DSCAM: variants seen among roughly 807,000 people sequenced by gnomAD.
The protein encoded by DSCAM is DS cell adhesion molecule.
In DSCAM, 47 loss-of-function variants were observed where a neutral mutation model predicts 217.7. The observed-to-expected ratio is 0.22, with a 90% CI of 0.17 to 0.28. DSCAM has a LOEUF of 0.28. DSCAM is among the 10% of genes least tolerant of loss of function. The pLI, the probability that DSCAM is intolerant of heterozygous loss-of-function variation, is 1.00. For synonymous variants in DSCAM, 1,056 were observed against 1,015.3 expected (o/e 1.04, Z -0.76); for missense variants, 2,080 against 2,618.3 (o/e 0.79, Z 4.49).
At chr21:40,460,381 T>C (rs535939595) in intron 3 of DSCAM, among the ~76,000 whole-genome samples, 5 of 152,290 alleles carry the variant, frequency 3.3e-5, no homozygotes, top group African/African-American at 1.2e-4. Context: ...TAAAATAATG[T>C]TATTATTAGA....
chr21:40,280,160 G>A (rs535817505), intron 10 of DSCAM, among the ~76,000 whole-genome samples: 3 of 146,310 alleles, frequency 2.1e-5, no homozygotes, highest in South Asian at 4.4e-4. Flanking sequence ...TCATATGAAA[G>A]TTCACAGCAG....
chr21:40,339,185 C>A lies in DSCAM; in HGVS notation c.1441G>T (p.Val481Phe). ...ISSSQVRDGG[V>F]YRCTANNSAG... Reference sequence around the variant, plus strand: ...GAGTTGTTGGCAGTGCAGCGGTAGACTCCCCCGTCCCGGACCTGGGAGCTG... The same window carrying A: ...GAGTTGTTGGCAGTGCAGCGGTAGAATCCCCCGTCCCGGACCTGGGAGCTG... The change falls in exon 7 of 33, where the codon GTC becomes TTC. Residue 481 changes from valine to phenylalanine, a missense_variant. Physicochemically the swap from Val to Phe is conservative, Grantham distance 50. Around this residue, in one of 5 missense-constraint regions of DSCAM, gnomAD observed 568 missense variants for 678.1 expected, o/e 0.84. Coordinates refer to ENST00000400454, the MANE Select transcript of DSCAM (RefSeq NM_001389.5). The A allele has an allele frequency of 6.2e-7, 1 of 1,614,208 alleles. No individual in the cohort carries two copies. Among genetic ancestry groups the A allele is most frequent in the East Asian group, 2.2e-5 (1 of 44,874 alleles).
chr21:40,824,657 T>C (rs967886192), intron 1 of DSCAM, among the ~76,000 whole-genome samples: 1 of 152,122 alleles, frequency 6.6e-6, no homozygotes, highest in Admixed American at 6.5e-5. Context: ...TCAAGCAATC[T>C]TCCTGCCTTG....
At chr21:40,401,466 G>T (rs540118018) in intron 3 of DSCAM, among the ~76,000 whole-genome samples, 120 of 152,198 alleles carry the variant, frequency 7.9e-4, no homozygotes, top group Non-Finnish European at 1.4e-3. Flanking sequence ...AGTATAATTG[G>T]ATCCCGCAGC....
At chr21:40,413,305 A>T (rs1458772943) in intron 3 of DSCAM, among the ~76,000 whole-genome samples, 1 of 152,312 alleles carries the variant, frequency 6.6e-6, no homozygotes, top group East Asian at 1.9e-4. Context: ...AACTTGCATC[A>T]TGCATCTGGA....
rs750352067 is a variant in DSCAM, at chr21:40,530,230, G to A, written c.509-160985C>T. Among the ~76,000 whole-genome samples, 18 of 152,172 alleles carry A rather than the reference G, an allele frequency of 1.2e-4. No homozygotes were observed. The South Asian group carries it at 1.9e-3, about 16-fold the overall frequency. Reference sequence around the variant, plus strand: ...TCCTCCTGATTTGGTTTTCTTTTTAGAATAATTTTCTTACCCAGGAACTGA... The same window carrying A: ...TCCTCCTGATTTGGTTTTCTTTTTAAAATAATTTTCTTACCCAGGAACTGA... On this transcript the variant is annotated intron_variant, in intron 3 of 32. Transcript: ENST00000400454.
chr21:40,017,602 C>T (rs970948441), intron 32 of DSCAM, among the ~76,000 whole-genome samples: 2 of 151,644 alleles, frequency 1.3e-5, no homozygotes, highest in Non-Finnish European at 2.9e-5. Flanking sequence ...GCTCTTGTCG[C>T]CCAGGCTGGA....
In DSCAM at chr21:40,134,070, C is replaced by T. The variant is rs1015038444; in HGVS notation, c.3407-61G>A. 67 of 1,555,126 alleles carry T rather than the reference C, an allele frequency of 4.3e-5. No homozygotes were observed. In the East Asian group the frequency reaches 1.1e-3, roughly 24 times the overall value. ...CTGAGCCCATTTCTGCTCGTTTTTC[C>T]GCACTGTCCCCACTGACTGTCCCTG... On this transcript the variant is annotated intron_variant, in intron 18 of 32. Coordinates refer to ENST00000400454, the MANE Select transcript of DSCAM (RefSeq NM_001389.5).
At chr21:40,368,605 T>C (rs568294208) in intron 4 of DSCAM, among the ~76,000 whole-genome samples, 5 of 152,334 alleles carry the variant, frequency 3.3e-5, no homozygotes, top group African/African-American at 9.6e-5. Flanking sequence ...TTCCCTTCAC[T>C]TCTTCCCATA....
At chr21:40,690,101 T>A (rs889829160) in intron 3 of DSCAM, among the ~76,000 whole-genome samples, 1 of 152,168 alleles carries the variant, frequency 6.6e-6, no homozygotes, top group African/African-American at 2.4e-5. Context: ...AATATAACCC[T>A]TCTCCACCTA....
intron 3 of DSCAM, among the ~76,000 whole-genome samples, chr21:40,461,908 C>G (rs184698409): frequency 6.6e-6 from 1 of 152,160 alleles, no homozygotes; most frequent in African/African-American, 2.4e-5. Flanking sequence ...CAGAAAGGGA[C>G]CTAGCTCTGC....
At chr21:40,032,346 A>G (rs1601247804) in intron 32 of DSCAM, among the ~76,000 whole-genome samples, 3 of 152,282 alleles carry the variant, frequency 2.0e-5, no homozygotes, top group South Asian at 2.1e-4. Flanking sequence ...GAGAAGAATC[A>G]TAAGCCTCAA....
At chr21:40,757,801 G>A (rs1440856099) in intron 1 of DSCAM, among the ~76,000 whole-genome samples, 1 of 152,220 alleles carries the variant, frequency 6.6e-6, no homozygotes, top group Non-Finnish European at 1.5e-5. Context: ...TTGGCATCAA[G>A]TCTCGATTGA....
At chr21:40,323,561 T>C (rs929050749) in intron 8 of DSCAM, among the ~76,000 whole-genome samples, 1 of 152,222 alleles carries the variant, frequency 6.6e-6, no homozygotes, top group African/African-American at 2.4e-5. Flanking sequence ...AAAAGGTGAA[T>C]TTTAAAATTG....
intron 30 of DSCAM, among the ~76,000 whole-genome samples, chr21:40,048,992 C>T: frequency 6.6e-6 from 1 of 152,108 alleles, no homozygotes; most frequent in East Asian, 1.9e-4. Flanking sequence ...TCCAGCAGAT[C>T]TTTTACTAAT....
intron 10 of DSCAM, among the ~76,000 whole-genome samples, chr21:40,278,675 G>A (rs2073720838): frequency 6.6e-6 from 1 of 152,036 alleles, no homozygotes; most frequent in Non-Finnish European, 1.5e-5. Flanking sequence ...GAGCTCCACT[G>A]TACTCTAGCC....
At chr21:40,366,302 G>A (rs2074832253) in intron 4 of DSCAM, among the ~76,000 whole-genome samples, 1 of 151,896 alleles carries the variant, frequency 6.6e-6, no homozygotes, top group African/African-American at 2.4e-5. Flanking sequence ...CATCATCTTT[G>A]TCAGACATCT....
At chr21:40,602,053 C>CTTTTTTTTTTTTTT (rs761687929) in intron 3 of DSCAM, among the ~76,000 whole-genome samples, 2 of 89,520 alleles carry the variant, frequency 2.2e-5, no homozygotes, top group African/African-American at 9.7e-5. Flanking sequence ...TCTGCTTCTA[C>CTTTTTTTTTTTTTT]TTTTTTTTTT....
intron 3 of DSCAM, among the ~76,000 whole-genome samples, chr21:40,561,771 C>G (rs924452950): frequency 3.9e-4 from 48 of 123,714 alleles, no homozygotes; most frequent in African/African-American, 1.1e-3. Context: ...AAGCTGTCTT[C>G]AGTTTTGGAG....
Sources: allele counts gnomAD v4.1 joint callset (sites outside exome capture counted in the v4.1 genomes callset), GRCh38; gene constraint gnomAD v4.1.1; regional missense constraint gnomAD v4.1.1; transcripts MANE v1.5; gene names NCBI Gene and HGNC (gene_info 2026-07-23, HGNC 2026-07-21).